RAPGEF2: variants seen among roughly 807,000 people sequenced by gnomAD.
RAPGEF2 encodes PDZ domain containing guanine nucleotide exchange factor (GEF) 1.
A neutral mutation model predicts 186.7 loss-of-function variants in RAPGEF2; 54 were observed. The observed-to-expected ratio is 0.29, with a 90% CI of 0.23 to 0.36. The LOEUF (loss-of-function observed/expected upper bound fraction) is 0.36. RAPGEF2 is among the 10% of genes least tolerant of loss of function. The pLI is 1.00. For synonymous variants in RAPGEF2, 712 were observed against 705.9 expected (o/e 1.01, Z -0.14); for missense variants, 1,532 against 2,045.0 (o/e 0.75, Z 4.84).
intron 3 of RAPGEF2, among the ~76,000 whole-genome samples, chr4:159,205,193 C>G (rs1749842040): frequency 6.6e-6 from 1 of 152,012 alleles, no homozygotes; most frequent in Non-Finnish European, 1.5e-5. Flanking sequence ...TAAGAAACAT[C>G]CAGGATATTT....
chr4:159,352,640 A>G, intron 26 of RAPGEF2, 45 bp from the exon 27 acceptor site: 1 of 1,475,600 alleles, frequency 6.8e-7, no homozygotes, highest in Non-Finnish European at 9.5e-7. Flanking sequence ...CTTTGATGTT[A>G]TAAACCTAGA....
intron 1 of RAPGEF2, among the ~76,000 whole-genome samples, chr4:159,109,854 G>A (rs1738299500): frequency 1.3e-5 from 2 of 152,178 alleles, no homozygotes; most frequent in East Asian, 1.9e-4. Context: ...TCAGTGTGCT[G>A]GGAACCAGGG....
At chr4:159,129,914 A>G (rs1740829655) in intron 1 of RAPGEF2, among the ~76,000 whole-genome samples, 1 of 152,154 alleles carries the variant, frequency 6.6e-6, no homozygotes, top group African/African-American at 2.4e-5. Context: ...AGCCCTGAGG[A>G]CTGGTGGCTG....
At chr4:159,259,083 C>T (rs1301226993) in intron 7 of RAPGEF2, among the ~76,000 whole-genome samples, 1 of 152,176 alleles carries the variant, frequency 6.6e-6, no homozygotes, top group African/African-American at 2.4e-5. Flanking sequence ...TAAGCATGCA[C>T]TGGCCAAAGA....
chr4:159,294,569 CAT>C (rs1381513138), intron 7 of RAPGEF2, among the ~76,000 whole-genome samples: 2 of 152,110 alleles, frequency 1.3e-5, no homozygotes, highest in East Asian at 3.8e-4. Context: ...AGTTCATAAA[CAT>C]AGATTTTGGA....
At chr4:159,203,328 T>C (rs1749641774) in intron 3 of RAPGEF2, among the ~76,000 whole-genome samples, 1 of 152,198 alleles carries the variant, frequency 6.6e-6, no homozygotes, top group Non-Finnish European at 1.5e-5. Context: ...TAAGAAAATA[T>C]TTGAGTGCCA....
At chr4:159,219,680 T>C (rs1751348866) in intron 4 of RAPGEF2, among the ~76,000 whole-genome samples, 1 of 152,140 alleles carries the variant, frequency 6.6e-6, no homozygotes, top group Non-Finnish European at 1.5e-5. Flanking sequence ...AAGAATTGTT[T>C]ACCAAAAGGA....
chr4:159,288,737 C>CT lies in RAPGEF2; in HGVS notation c.544-15604dup, dbSNP rs33923444. Among the ~76,000 whole-genome samples, 1,064 of 152,314 alleles carry CT rather than the reference C, an allele frequency of 7.0e-3. 11 individuals are homozygous for CT. The highest frequency in any genetic ancestry group is 0.024 in the African/African-American group (1,008 of 41,574). ...ATGAACTCCTCAGAACCGTCAGATT[C>CT]TGAGTGCATGTTTTCTCCCTCAACA... On this transcript the variant is annotated intron_variant, in intron 7 of 29. Transcript: ENST00000691494.
chr4:159,223,123 A>G (rs1349422580), intron 4 of RAPGEF2, among the ~76,000 whole-genome samples: 2 of 152,102 alleles, frequency 1.3e-5, no homozygotes, highest in African/African-American at 4.8e-5. Flanking sequence ...TGTGGTTTTT[A>G]AAAGGATCTG....
chr4:159,308,349 A>T (rs1273236075), intron 8 of RAPGEF2, among the ~76,000 whole-genome samples: 1 of 152,196 alleles, frequency 6.6e-6, no homozygotes, highest in Non-Finnish European at 1.5e-5. Flanking sequence ...GGATCTAGTT[A>T]TTGGCTGTGC....
chr4:159,231,395 A>G (rs1752629472), intron 4 of RAPGEF2, among the ~76,000 whole-genome samples: 1 of 152,102 alleles, frequency 6.6e-6, no homozygotes, highest in African/African-American at 2.4e-5. Context: ...TATGTGTTAT[A>G]TGTTATGTAT....
At chr4:159,251,859 A>G (rs539819445) in intron 7 of RAPGEF2, among the ~76,000 whole-genome samples, 14 of 151,724 alleles carry the variant, frequency 9.2e-5, no homozygotes, top group Admixed American at 6.6e-5. Flanking sequence ...TGCCGCCGCG[A>G]TCTGCTTGGG....
intron 8 of RAPGEF2, among the ~76,000 whole-genome samples, chr4:159,312,842 C>T (rs1477860331): frequency 6.6e-6 from 1 of 152,152 alleles, no homozygotes; most frequent in African/African-American, 2.4e-5. Context: ...AAAGCTGAAA[C>T]TTTGTTTATA....
intron 17 of RAPGEF2, among the ~76,000 whole-genome samples, chr4:159,337,750 C>G (rs1280987111): frequency 6.6e-6 from 1 of 151,364 alleles, no homozygotes; most frequent in African/African-American, 2.4e-5. Context: ...ATTAGCCGGG[C>G]ATGGTGGCGG....
chr4:159,111,133 G>A (rs1738447623), intron 1 of RAPGEF2, among the ~76,000 whole-genome samples: 1 of 152,178 alleles, frequency 6.6e-6, no homozygotes, highest in Non-Finnish European at 1.5e-5. Context: ...TCCAGTCTGT[G>A]AAAGAATTTA....
chr4:159,127,106 A>C (rs971607122), intron 1 of RAPGEF2, among the ~76,000 whole-genome samples: 1 of 152,132 alleles, frequency 6.6e-6, no homozygotes, highest in Admixed American at 6.5e-5. Flanking sequence ...GGCTCACTAC[A>C]ACCTCCGCCT....
Position 159,343,343 on chromosome 4 carries a change from A to G in RAPGEF2, c.3193A>G (p.Ile1065Val). The change falls in exon 22 of 30, where the codon ATT (isoleucine) becomes GTT (valine). Residue 1065 changes from isoleucine (I) to valine (V), a missense_variant. Physicochemically the swap from Ile to Val is conservative, Grantham distance 29 (BLOSUM62 3). Around this residue, in one of 4 missense-constraint regions of RAPGEF2, gnomAD observed 117 missense variants for 180.8 expected, o/e 0.65. Coordinates refer to ENST00000691494, the MANE Select transcript of RAPGEF2 (RefSeq NM_001394067.2). The part of the protein sequence containing the change: ...FEKLRMIAKE[I>V]RHVGRMASVN... The stretch of plus-strand genomic sequence containing the variant: ...GAAGCTAAGGATGATTGCAAAAGAA[A>G]TTCGTCACGTTGGCCGAATGGCTTC... The G allele has an allele frequency of 6.2e-7, 1 of 1,614,102 alleles. No individual in the cohort carries two copies. Among genetic ancestry groups the G allele is most frequent in the South Asian group, 1.1e-5 (1 of 91,066 alleles).
intron 14 of RAPGEF2, 43 bp from the exon 15 acceptor site, chr4:159,331,587 A>T: frequency 6.2e-7 from 1 of 1,610,942 alleles, no homozygotes; most frequent in South Asian, 1.1e-5. Context: ...CATTTTATTC[A>T]GCCTGTTCTT....
At chr4:159,204,820 C>T (rs745534352) in intron 3 of RAPGEF2, among the ~76,000 whole-genome samples, 4 of 152,120 alleles carry the variant, frequency 2.6e-5, no homozygotes, top group East Asian at 1.9e-4. Context: ...CTTCTGTAAG[C>T]GTGAATTCCC....
Sources: allele counts gnomAD v4.1 joint callset (sites outside exome capture counted in the v4.1 genomes callset), GRCh38; gene constraint gnomAD v4.1.1; regional missense constraint gnomAD v4.1.1; transcripts MANE v1.5; gene names NCBI Gene and HGNC (gene_info 2026-07-23, HGNC 2026-07-21).